RBFOX1: variants seen among roughly 807,000 people sequenced by gnomAD.
The protein encoded by RBFOX1 is RNA binding fox-1 homolog 1.
Under a neutral mutation model 57.7 loss-of-function variants are expected in RBFOX1, and 8 were observed. The observed-to-expected ratio is 0.14, with a 90% CI of 0.08 to 0.25. RBFOX1 has a LOEUF of 0.25. RBFOX1 is among the 10% of genes least tolerant of loss of function. The pLI is 1.00. For synonymous variants in RBFOX1, 326 were observed against 222.4 expected (o/e 1.47, Z -4.15); for missense variants, 611 against 548.5 (o/e 1.11, Z -1.14).
At chr16:6,085,049 A>G (rs1053620924) in intron 1 of RBFOX1, among the ~76,000 whole-genome samples, 2 of 152,130 alleles carry the variant, frequency 1.3e-5, no homozygotes, top group Non-Finnish European at 2.9e-5. Flanking sequence ...TGCGTGCTTC[A>G]TTCATTCACT....
intron 4 of RBFOX1, among the ~76,000 whole-genome samples, chr16:7,338,972 T>C (rs760134406): frequency 2.0e-4 from 31 of 152,210 alleles, no homozygotes; most frequent in Non-Finnish European, 3.8e-4. Context: ...TCATTTACTC[T>C]GAGGCTGCTC....
intron 4 of RBFOX1, among the ~76,000 whole-genome samples, chr16:7,078,473 G>T (rs1423982204): frequency 1.3e-5 from 2 of 151,930 alleles, no homozygotes; most frequent in East Asian, 3.9e-4. Flanking sequence ...TCAGTCTCCC[G>T]AGTAGCTGGG....
At chr16:6,478,990 A>G (rs2095328086) in intron 2 of RBFOX1, among the ~76,000 whole-genome samples, 1 of 152,192 alleles carries the variant, frequency 6.6e-6, no homozygotes, top group African/African-American at 2.4e-5. Flanking sequence ...GCACCAATAG[A>G]CTTGCTCAGC....
intron 5 of RBFOX1, among the ~76,000 whole-genome samples, chr16:7,576,472 C>T (rs554328223): frequency 1.3e-5 from 2 of 152,264 alleles, no homozygotes; most frequent in South Asian, 4.1e-4. Context: ...CCACAATGAC[C>T]TGAAACACTT....
chr16:6,877,662 A>C (rs968131544), intron 3 of RBFOX1, among the ~76,000 whole-genome samples: 5 of 152,184 alleles, frequency 3.3e-5, no homozygotes, highest in African/African-American at 1.2e-4. Flanking sequence ...GCCCATACTG[A>C]GAATCAGAGC....
chr16:5,519,064 C>G (rs983781749), intron 2 of RBFOX1, among the ~76,000 whole-genome samples: 3 of 152,142 alleles, frequency 2.0e-5, no homozygotes, highest in African/African-American at 7.2e-5. Context: ...CAGGGAGAAG[C>G]CATCTTCAGG....
chr16:6,349,512 C>G (rs1173152574), intron 2 of RBFOX1, among the ~76,000 whole-genome samples: 1 of 152,166 alleles, frequency 6.6e-6, no homozygotes, highest in South Asian at 2.1e-4. Flanking sequence ...TTAAAAGGAT[C>G]CCTTTGAGAA....
chr16:7,231,353 C>G (rs1453840167), intron 4 of RBFOX1, among the ~76,000 whole-genome samples: 1 of 152,130 alleles, frequency 6.6e-6, no homozygotes, highest in Non-Finnish European at 1.5e-5. Flanking sequence ...CGTGACTAAA[C>G]TGGAGTATTA....
chr16:6,581,235 G>C (rs1207137179), intron 2 of RBFOX1, among the ~76,000 whole-genome samples: 1 of 152,084 alleles, frequency 6.6e-6, no homozygotes, highest in East Asian at 1.9e-4. Flanking sequence ...CTTTCCCTTT[G>C]GTGATTTGCA....
intron 3 of RBFOX1, among the ~76,000 whole-genome samples, chr16:5,705,627 A>T (rs1464580933): frequency 1.3e-5 from 2 of 152,194 alleles, no homozygotes; most frequent in African/African-American, 2.4e-5. Context: ...GGCAACTAAT[A>T]ATCAATGTGG....
At chr16:6,910,382 C>T (rs1345788011) in intron 3 of RBFOX1, among the ~76,000 whole-genome samples, 3 of 152,190 alleles carry the variant, frequency 2.0e-5, no homozygotes, top group African/African-American at 7.2e-5. Context: ...CTTCCACACA[C>T]ACAAAGAGGA....
At chr16:6,756,940 A>T (rs758113831) in intron 3 of RBFOX1, among the ~76,000 whole-genome samples, 3 of 152,006 alleles carry the variant, frequency 2.0e-5, no homozygotes, top group African/African-American at 4.8e-5. Context: ...GTGCCATTGC[A>T]CTCCAGCCTG....
intron 2 of RBFOX1, among the ~76,000 whole-genome samples, chr16:6,339,755 C>T (rs950670979): frequency 6.6e-6 from 1 of 152,074 alleles, no homozygotes; most frequent in Admixed American, 6.6e-5. Context: ...ACTGAATCCT[C>T]TGCCTCCCAG....
At chr16:6,624,922 G>A (rs1338537218) in intron 2 of RBFOX1, among the ~76,000 whole-genome samples, 1 of 151,992 alleles carries the variant, frequency 6.6e-6, no homozygotes, top group Non-Finnish European at 1.5e-5. Context: ...CAGCACTTTG[G>A]TCGAGGTCGA....
At chr16:5,768,625 C>A in intron 3 of RBFOX1, among the ~76,000 whole-genome samples, 1 of 152,162 alleles carries the variant, frequency 6.6e-6, no homozygotes, top group East Asian at 1.9e-4. Flanking sequence ...GCATCATAGC[C>A]AAAATCTGCT....
intron 4 of RBFOX1, among the ~76,000 whole-genome samples, chr16:7,491,235 G>T (rs1451841694): frequency 6.6e-6 from 1 of 151,808 alleles, no homozygotes; most frequent in Non-Finnish European, 1.5e-5. Flanking sequence ...TTTTTCTTGG[G>T]GTTTCCTCCG....
chr16:7,709,033 C>G (rs779548074), intron 14 of RBFOX1, 23 bp from the exon 15 acceptor site: 1 of 1,593,938 alleles, frequency 6.3e-7, no homozygotes, highest in Non-Finnish European at 8.6e-7. Flanking sequence ...GTGGATCAAT[C>G]TTCACCTCTA....
chr16:6,949,616 T>TTC (rs1359245935), intron 3 of RBFOX1, among the ~76,000 whole-genome samples: 8 of 152,076 alleles, frequency 5.3e-5, no homozygotes, highest in African/African-American at 1.9e-4. Context: ...GGATATCTCT[T>TTC]TCTCTTTTTC....
chr16:5,876,425 C>G (rs1352657571), intron 4 of RBFOX1, among the ~76,000 whole-genome samples: 1 of 152,158 alleles, frequency 6.6e-6, no homozygotes, highest in Non-Finnish European at 1.5e-5. Flanking sequence ...ACACCCGAGG[C>G]TATCAGACCC....
Sources: gnomAD v4.1 joint callset for allele counts (sites outside exome capture counted in the v4.1 genomes callset) on GRCh38, gnomAD v4.1.1 for gene constraint, MANE v1.5 for transcripts, NCBI Gene and HGNC (gene_info 2026-07-23, HGNC 2026-07-21) for gene names.